Variants in CDK8 observed in about 807,000 individuals in gnomAD.
The protein encoded by CDK8 is cyclin dependent kinase 8.
In CDK8, 29 loss-of-function variants were observed where a neutral mutation model predicts 71.5. The ratio of observed to expected loss-of-function variants is 0.41; its 90% CI spans 0.30 to 0.55. CDK8 has a LOEUF of 0.55. Among genes scored for constraint, CDK8 ranks in the 20% least tolerant of loss-of-function variants. The pLI is 0.37. For missense variants in CDK8, 288 were observed against 572.6 expected, an observed-to-expected ratio of 0.50 and a Z score of 5.07; for synonymous variants, 161 against 192.1, an observed-to-expected ratio of 0.84 and a Z score of 1.34.
At chr13:26,327,287 C>T (rs1313363416) in intron 1 of CDK8, among the ~76,000 whole-genome samples, 1 of 152,044 alleles carries the variant, frequency 6.6e-6, no homozygotes, top group Non-Finnish European at 1.5e-5. Context: ...AATTAAATAA[C>T]ATTGTAGGAA....
rs533873670 is a variant in CDK8 at position 26,351,368 on chromosome 13, C to T, written c.315+2186C>T. 2.9e-3 allele frequency among the ~76,000 whole-genome samples: 443 copies of T among 151,562 alleles called. 5 individuals are homozygous for T. The highest frequency in any genetic ancestry group is 0.01 in the African/African-American group (419 of 41,302). ...CTTCTTTTTTTTTAAATCTTTGGTT[C>T]TTCTGTTCTTCTATTTTAAAAGAAA... On this transcript the variant is annotated intron_variant, in intron 3 of 12. Transcript: ENST00000381527.
chr13:26,286,132 T>C lies in CDK8; in HGVS notation c.128+31363T>C, dbSNP rs7988057. Reference sequence around the variant, plus strand: ...TGCAATTCCCATCAAAATACCATCGTCATTCCTCACAGAACTAGAAAAAAC... The same window carrying C: ...TGCAATTCCCATCAAAATACCATCGCCATTCCTCACAGAACTAGAAAAAAC... On this transcript the variant is annotated intron_variant, in intron 1 of 12. Transcript: ENST00000381527. Among the ~76,000 whole-genome samples the C allele has an allele frequency of 9.9e-5, 15 of 152,244 alleles. No homozygotes were observed. The East Asian group carries it at 2.7e-3, about 27-fold the overall frequency.
intron 1 of CDK8, among the ~76,000 whole-genome samples, chr13:26,285,730 T>C (rs1379748403): frequency 1.3e-5 from 2 of 152,206 alleles, no homozygotes; most frequent in Non-Finnish European, 2.9e-5. Flanking sequence ...TATGATCATA[T>C]ACCTAGAAAA....
intron 5 of CDK8, 77 bp from the exon 6 acceptor site, chr13:26,385,134 A>T (rs2138049578): frequency 8.4e-7 from 1 of 1,196,074 alleles, no homozygotes. Flanking sequence ...TTACTGAATA[A>T]GATGGTAAAT....
intron 1 of CDK8, among the ~76,000 whole-genome samples, chr13:26,289,402 T>A (rs776864198): frequency 6.6e-6 from 1 of 152,180 alleles, no homozygotes; most frequent in Non-Finnish European, 1.5e-5. Flanking sequence ...TTTATTACAT[T>A]TATACGTAGG....
chr13:26,385,402 T>G, intron 6 of CDK8, 60 bp downstream of exon 6: 1 of 1,354,758 alleles, frequency 7.4e-7, no homozygotes, highest in Non-Finnish European at 1.0e-6. Context: ...AGACACACAT[T>G]CCTATATATT....
At chr13:26,287,432 A>G (rs1041609259) in intron 1 of CDK8, among the ~76,000 whole-genome samples, 4 of 152,190 alleles carry the variant, frequency 2.6e-5, no homozygotes, top group Non-Finnish European at 4.4e-5. Context: ...ACCTGGATGG[A>G]GTCGGAGACC....
Position 26,396,491 on chromosome 13 carries a change from A to G in CDK8, c.860+137A>G, listed in dbSNP as rs534036893. ...TAATTTTACTTATTTACTCTAATAA[A>G]TATTTTTCATGATGACAGTCTTTAT... On this transcript the variant is annotated intron_variant, in intron 8 of 12. Coordinates refer to ENST00000381527, the MANE Select transcript of CDK8 (RefSeq NM_001260.3). 33 of 360,572 alleles carry G rather than the reference A, an allele frequency of 9.2e-5. No individual in the cohort carries two copies. The South Asian group carries it at 4.1e-3, about 45-fold the overall frequency. 22.3% of individuals were successfully genotyped at this position (360,572 alleles called of 1,614,324 possible).
chr13:26,368,508 A>C (rs1295033745), intron 4 of CDK8, among the ~76,000 whole-genome samples: 1 of 152,190 alleles, frequency 6.6e-6, no homozygotes, highest in Non-Finnish European at 1.5e-5. Flanking sequence ...ACATGCTGCC[A>C]ATTTACTATC....
chr13:26,327,783 T>A (rs908301138), intron 1 of CDK8, among the ~76,000 whole-genome samples: 2 of 152,028 alleles, frequency 1.3e-5, no homozygotes, highest in Non-Finnish European at 2.9e-5. Context: ...GAGCCGAGAT[T>A]GCGCCACTGC....
intron 4 of CDK8, among the ~76,000 whole-genome samples, chr13:26,374,672 A>G (rs537234469): frequency 2.0e-5 from 3 of 152,302 alleles, no homozygotes; most frequent in Admixed American, 2.0e-4. Context: ...CAATAAAACA[A>G]AACTACAGAG....
At chr13:26,394,703 T>C (rs545250858) in intron 7 of CDK8, among the ~76,000 whole-genome samples, 1 of 152,288 alleles carries the variant, frequency 6.6e-6, no homozygotes, top group Admixed American at 6.5e-5. Context: ...ACTCTTAATA[T>C]GTGGTTCAGA....
intron 6 of CDK8, among the ~76,000 whole-genome samples, chr13:26,390,436 C>T (rs1027743121): frequency 1.3e-5 from 2 of 152,124 alleles, no homozygotes; most frequent in African/African-American, 4.8e-5. Context: ...AGCTGAGTCA[C>T]TAAACCAAAG....
chr13:26,322,478 T>G (rs572009326), intron 1 of CDK8, among the ~76,000 whole-genome samples: 1 of 152,126 alleles, frequency 6.6e-6, no homozygotes, highest in East Asian at 1.9e-4. Context: ...TTACAGTGAG[T>G]CCTTAATCCA....
chr13:26,364,936 T>A (rs1225327397), intron 4 of CDK8, among the ~76,000 whole-genome samples: 2 of 152,202 alleles, frequency 1.3e-5, no homozygotes, highest in African/African-American at 4.8e-5. Context: ...CTGTTGCCAC[T>A]ATTTTTCCTT....
intron 1 of CDK8, among the ~76,000 whole-genome samples, chr13:26,256,623 A>G (rs1871536557): frequency 6.6e-6 from 1 of 152,210 alleles, no homozygotes; most frequent in Admixed American, 6.5e-5. Flanking sequence ...AGCACATTTT[A>G]TATCTCTATG....
intron 1 of CDK8, among the ~76,000 whole-genome samples, chr13:26,262,099 T>C (rs1205212529): frequency 1.3e-5 from 2 of 152,226 alleles, no homozygotes; most frequent in Non-Finnish European, 2.9e-5. Flanking sequence ...CTGGAAATGC[T>C]TTTTTCTCAG....
At chr13:26,329,973 G>A (rs918787823) in intron 1 of CDK8, among the ~76,000 whole-genome samples, 2 of 152,020 alleles carry the variant, frequency 1.3e-5, no homozygotes, top group African/African-American at 2.4e-5. Flanking sequence ...ACTTCCTGGG[G>A]TGTCTCATGT....
At chr13:26,347,004 G>T (rs1359812616) in intron 2 of CDK8, among the ~76,000 whole-genome samples, 1 of 152,112 alleles carries the variant, frequency 6.6e-6, no homozygotes, top group Non-Finnish European at 1.5e-5. Context: ...AGCACATTTG[G>T]AAGGCACTGT....
Sources: allele counts gnomAD v4.1 joint callset (sites outside exome capture counted in the v4.1 genomes callset), GRCh38; gene constraint gnomAD v4.1.1; transcripts MANE v1.5; gene names NCBI Gene and HGNC (gene_info 2026-07-23, HGNC 2026-07-21).